PCNX1: variants seen among roughly 807,000 people sequenced by gnomAD.
The protein encoded by PCNX1 is pecanex 1, also known as pecanex-like protein 1.
In PCNX1, 78 loss-of-function variants were observed where a neutral mutation model predicts 242.2. That is an observed-to-expected ratio of 0.32 (90% CI 0.27 to 0.39). The LOEUF (loss-of-function observed/expected upper bound fraction) is 0.39, where lower values mean the gene tolerates loss of function less well. Ranked by LOEUF, PCNX1 falls within the 10% of genes least tolerant of loss-of-function variation. PCNX1 has a pLI of 1.00. For missense variants in PCNX1, 2,581 were observed against 2,856.5 expected (o/e 0.90, Z 2.20); for synonymous variants, 1,024 against 1,032.9 (o/e 0.99, Z 0.17).
At chr14:71,016,269 A>G (rs189135113) in intron 11 of PCNX1, among the ~76,000 whole-genome samples, 5 of 152,336 alleles carry the variant, frequency 3.3e-5, no homozygotes, top group Non-Finnish European at 5.9e-5. Context: ...GCAAAAGCTA[A>G]TAGAAGTGGA....
At chr14:71,087,224 G>A (rs918926605) in intron 28 of PCNX1, among the ~76,000 whole-genome samples, 11 of 151,298 alleles carry the variant, frequency 7.3e-5, no homozygotes, top group Admixed American at 2.0e-4. Flanking sequence ...TTACTGTTTT[G>A]TAACCTGGAC....
chr14:71,078,310 A>G lies in PCNX1; in HGVS notation c.5337+1891A>G, dbSNP rs536660614. ...CCCAGAATAACCTTTTCCTGGGGAC[A>G]TTAATCAGGCCAGACTTGCTGACTC... On this transcript the variant is annotated intron_variant, in intron 28 of 35. Transcript: ENST00000304743. Among the ~76,000 whole-genome samples the G allele has an allele frequency of 5.3e-5, 8 of 152,316 alleles. No homozygotes were observed. The South Asian group carries it at 1.2e-3, about 24-fold the overall frequency.
At chr14:71,076,041 AG>A (rs1482132247) in intron 27 of PCNX1, 147 bp from the exon 28 acceptor site, 1 of 588,620 alleles carries the variant, frequency 1.7e-6, no homozygotes, top group East Asian at 2.8e-5. Context: ...TAGAATATTG[AG>A]GGGGAATAAA....
chr14:71,096,168 A>AT (rs1235975686), intron 30 of PCNX1, among the ~76,000 whole-genome samples: 2 of 152,152 alleles, frequency 1.3e-5, no homozygotes, highest in East Asian at 3.9e-4. Context: ...AAATACAATA[A>AT]TTAGCTGGAC....
At chr14:71,081,308 A>T (rs1456192033) in intron 28 of PCNX1, among the ~76,000 whole-genome samples, 1 of 152,156 alleles carries the variant, frequency 6.6e-6, no homozygotes, top group Middle Eastern at 3.2e-3. Flanking sequence ...GATGTTCATC[A>T]TGTATATTGG....
intron 8 of PCNX1, among the ~76,000 whole-genome samples, chr14:71,005,627 T>G (rs1414431277): frequency 6.6e-6 from 1 of 152,186 alleles, no homozygotes; most frequent in Non-Finnish European, 1.5e-5. Flanking sequence ...ATAGGGTAAG[T>G]TAGAGAATCC....
chr14:71,009,765 T>C (rs1367037755), intron 9 of PCNX1, 41 bp downstream of exon 9: 1 of 1,182,694 alleles, frequency 8.5e-7, no homozygotes, highest in East Asian at 2.4e-5. Flanking sequence ...TACTTTCATA[T>C]GTTTGCCATA....
rs1452277300 is a variant in PCNX1, at chr14:70,977,851, G to A, written c.1514G>A (p.Arg505Lys). Residue 505 changes from arginine to lysine, a missense_variant, in exon 6 of 36, where the codon AGA becomes AAA. Coordinates refer to ENST00000304743, the MANE Select transcript of PCNX1 (RefSeq NM_014982.3). ...HANEFTSQGD[R>K]PPGNTAENKE... ...AATGAATTTACTTCCCAAGGGGACA[G>A]ACCACCTGGGAACACTGCAGAAAAC... 1.2e-6 allele frequency: 2 copies of A among 1,614,142 alleles called. No individual in the cohort carries two copies. Among genetic ancestry groups the A allele is most frequent in the Admixed American group, 3.3e-5 (2 of 60,022 alleles).
intron 8 of PCNX1, among the ~76,000 whole-genome samples, chr14:71,000,387 TA>T (rs1331919173): frequency 6.6e-6 from 1 of 152,196 alleles, no homozygotes; most frequent in African/African-American, 2.4e-5. Flanking sequence ...TCCAGTCTTT[TA>T]AAATGTACAT....
chr14:71,088,170 A>G (rs2062040241), intron 28 of PCNX1, among the ~76,000 whole-genome samples, 160 bp from the exon 29 acceptor site: 1 of 152,174 alleles, frequency 6.6e-6, no homozygotes, highest in Non-Finnish European at 1.5e-5. Context: ...CCCCATACAC[A>G]TTCATGCTTC....
At chr14:70,922,795 G>A (rs1423453317) in intron 1 of PCNX1, among the ~76,000 whole-genome samples, 1 of 150,210 alleles carries the variant, frequency 6.7e-6, no homozygotes, top group Non-Finnish European at 1.5e-5. Context: ...AACAATGCTG[G>A]GCAATATATT....
rs376798560 is a variant in PCNX1, at chr14:71,073,632, T to C, written c.4940T>C (p.Ile1647Thr). Residue 1647 changes from isoleucine (I) to threonine (T), a missense_variant, in exon 27 of 36, where the codon ATT becomes ACT. Transcript: ENST00000304743. Reference protein sequence around the residue: ...EGFCCCEPGHIPHMLSFNAAF... With the variant: ...EGFCCCEPGHTPHMLSFNAAF... The stretch of plus-strand genomic sequence containing the variant: ...TTTTGCTGTTGTGAACCTGGCCATA[T>C]TCCTCACATGCTTTCATTTAATGCT... 1.3e-4 allele frequency: 210 copies of C among 1,613,404 alleles called. No homozygotes were observed. The highest frequency in any genetic ancestry group is 1.7e-4 in the Non-Finnish European group (198 of 1,179,514).
chr14:70,949,260 CACG>C (rs2057646249), intron 2 of PCNX1, among the ~76,000 whole-genome samples: 1 of 23,714 alleles, frequency 4.2e-5, no homozygotes, highest in African/African-American at 1.3e-4. Flanking sequence ...TATACACACA[CACG>C]TGTATGCACA....
intron 29 of PCNX1, among the ~76,000 whole-genome samples, chr14:71,088,747 T>G (rs562616356): frequency 6.7e-4 from 102 of 152,302 alleles, no homozygotes; most frequent in African/African-American, 2.4e-3. Flanking sequence ...AATAAATTCA[T>G]TTTCCATATT....
At chr14:71,026,548 T>C (rs1276179947) in intron 14 of PCNX1, among the ~76,000 whole-genome samples, 1 of 152,118 alleles carries the variant, frequency 6.6e-6, no homozygotes, top group African/African-American at 2.4e-5. Flanking sequence ...GTTTCTATTA[T>C]GTGAAAATGG....
Position 71,076,304 on chromosome 14 carries a change from C to T in PCNX1, c.5222C>T (p.Thr1741Ile). 5.6e-6 allele frequency: 9 copies of T among 1,613,842 alleles called. No homozygotes were observed. The highest frequency in any genetic ancestry group is 7.6e-6 in the Non-Finnish European group (9 of 1,179,798). The change falls in exon 28 of 36, where the codon ACC (threonine) becomes ATC (isoleucine). Residue 1741 changes from threonine to isoleucine, a missense_variant. Around this residue, in one of 9 missense-constraint regions of PCNX1, gnomAD observed 298 missense variants for 480.1 expected, o/e 0.62. Coordinates refer to ENST00000304743, the MANE Select transcript of PCNX1 (RefSeq NM_014982.3). ...ADRNYVDVDP[T>I]FNPNIDEDYD... is the part of the protein sequence containing the mutation. ...CGCAATTATGTCGATGTGGACCCGA[C>T]CTTTAATCCAAACATTGATGAAGAC... is the stretch of plus-strand genomic sequence containing the variant.
intron 6 of PCNX1, 73 bp from the exon 7 acceptor site, chr14:70,988,494 G>C: frequency 6.5e-7 from 1 of 1,538,726 alleles, no homozygotes; most frequent in Admixed American, 1.7e-5. Context: ...GGAAGTCAAG[G>C]GAAAGCCAGG....
chr14:71,009,057 A>G (rs192651294), intron 8 of PCNX1, among the ~76,000 whole-genome samples: 109 of 152,366 alleles, frequency 7.2e-4, no homozygotes, highest in Middle Eastern at 3.4e-3. Context: ...TGCTGTTTCT[A>G]AATTTTTCAT....
chr14:70,972,596 T>C (rs1446134504), intron 5 of PCNX1, among the ~76,000 whole-genome samples: 1 of 152,164 alleles, frequency 6.6e-6, no homozygotes, highest in Non-Finnish European at 1.5e-5. Flanking sequence ...GGCTTAAATA[T>C]CGTTTGGTAC....
Sources: allele counts gnomAD v4.1 joint callset (sites outside exome capture counted in the v4.1 genomes callset), GRCh38; gene constraint gnomAD v4.1.1; regional missense constraint gnomAD v4.1.1; transcripts MANE v1.5; gene names NCBI Gene and HGNC (gene_info 2026-07-23, HGNC 2026-07-21).